The following LIN28B variants were observed in gnomAD, a reference collection of about 807,000 sequenced individuals.
The protein encoded by LIN28B is lin-28 RNA binding posttranscriptional regulator B, also known as protein lin-28 homolog B.
In LIN28B, 5 loss-of-function variants were observed where a neutral mutation model predicts 21.9. The ratio of observed to expected loss-of-function variants is 0.23; its 90% confidence interval spans 0.12 to 0.48. The LOEUF (loss-of-function observed/expected upper bound fraction) is 0.48, where lower values mean the gene tolerates loss of function less well. LIN28B is among the 20% of genes least tolerant of loss of function. The pLI, the probability that LIN28B is intolerant of heterozygous loss-of-function variation, is 0.98. For synonymous variants in LIN28B, 109 were observed against 111.3 expected (o/e 0.98, Z 0.13); for missense variants, 245 against 310.5 (o/e 0.79, Z 1.58).
intron 2 of LIN28B, among the ~76,000 whole-genome samples, chr6:105,010,875 C>T (rs923067117): frequency 1.3e-5 from 2 of 152,184 alleles, no homozygotes; most frequent in Admixed American, 1.3e-4. Flanking sequence ...TCCATATATC[C>T]ACCCACAGAC....
intron 3 of LIN28B, among the ~76,000 whole-genome samples, chr6:105,044,035 T>C (rs1344364168): frequency 6.6e-6 from 1 of 152,240 alleles, no homozygotes; most frequent in Non-Finnish European, 1.5e-5. Context: ...CCATTTTGTT[T>C]CTGCCTTTGT....
At chr6:104,972,936 C>T (rs1770007892) in intron 2 of LIN28B, among the ~76,000 whole-genome samples, 1 of 151,856 alleles carries the variant, frequency 6.6e-6, no homozygotes, top group South Asian at 2.1e-4. Context: ...CATGGCAAAA[C>T]GCTGTCTCTA....
At chr6:104,940,757 T>C (rs1031653492) in intron 2 of LIN28B, 1 of 150,306 alleles carries the variant, frequency 6.7e-6, no homozygotes, top group Non-Finnish European at 1.5e-5. Flanking sequence ...GGCGGAGTGG[T>C]GGCGACAGCG....
At chr6:104,992,110 G>A (rs1158616582) in intron 2 of LIN28B, among the ~76,000 whole-genome samples, 1 of 151,752 alleles carries the variant, frequency 6.6e-6, no homozygotes, top group African/African-American at 2.4e-5. Context: ...TTGTTGCCCA[G>A]GTTGGAGTTC....
chr6:105,037,495 C>A, intron 3 of LIN28B, among the ~76,000 whole-genome samples: 1 of 149,056 alleles, frequency 6.7e-6, no homozygotes, highest in African/African-American at 2.5e-5. Flanking sequence ...CCCTCCTCCC[C>A]CTCCTCCCCG....
intron 2 of LIN28B, among the ~76,000 whole-genome samples, chr6:104,943,819 A>G (rs143728873): frequency 6.3e-4 from 96 of 152,290 alleles, no homozygotes; most frequent in African/African-American, 2.3e-3. Context: ...GCTTGCCAAG[A>G]AGAACAATGG....
chr6:105,020,784 G>A (rs372910218), intron 2 of LIN28B, among the ~76,000 whole-genome samples: 27 of 116,764 alleles, frequency 2.3e-4, no homozygotes, highest in African/African-American at 9.0e-4. Flanking sequence ...ACGAAGTCTC[G>A]CTCTGTTGCC....
rs111783119 is a variant in LIN28B, at chr6:105,038,594, A to AC, written c.383+12114dup. On this transcript the variant is annotated intron_variant, in intron 3 of 3. Transcript: ENST00000345080. ...ACAAGTTTCTCTTTTGGTTGACTCT[A>AC]CCTCAGAACCATCCAGAGAAGGAGA... 7.4e-4 allele frequency among the ~76,000 whole-genome samples: 113 copies of AC among 152,276 alleles called. No individual in the cohort carries two copies. In the Middle Eastern group the frequency reaches 0.014, roughly 18 times the overall value.
chr6:105,014,454 G>A (rs1770986396), intron 2 of LIN28B, among the ~76,000 whole-genome samples: 1 of 152,094 alleles, frequency 6.6e-6, no homozygotes, highest in African/African-American at 2.4e-5. Context: ...TGCGTAGCTG[G>A]GATTACAGGC....
intron 2 of LIN28B, among the ~76,000 whole-genome samples, chr6:104,992,147 C>T (rs1233516990): frequency 2.0e-5 from 3 of 151,954 alleles, no homozygotes; most frequent in Non-Finnish European, 4.4e-5. Flanking sequence ...CCGTAACCTC[C>T]GCCTTTGGGT....
chr6:104,938,385 A>T (rs1163977276), intron 2 of LIN28B, among the ~76,000 whole-genome samples: 1 of 152,156 alleles, frequency 6.6e-6, no homozygotes, highest in Admixed American at 6.5e-5. Context: ...CACGCCTGTA[A>T]TCCCAGCACT....
chr6:105,069,553 C>T (rs1173992706), intron 3 of LIN28B, among the ~76,000 whole-genome samples: 4 of 150,794 alleles, frequency 2.7e-5, no homozygotes, highest in Admixed American at 6.6e-5. Flanking sequence ...AGTGACAGCC[C>T]GTCTCTACAA....
intron 3 of LIN28B, among the ~76,000 whole-genome samples, chr6:105,029,496 GGA>G (rs1771372742): frequency 6.6e-6 from 1 of 152,092 alleles, no homozygotes; most frequent in Non-Finnish European, 1.5e-5. Context: ...TATGAAGGTA[GGA>G]TAAGGCGAGA....
chr6:104,968,353 AATG>A (rs1321837417), intron 2 of LIN28B, among the ~76,000 whole-genome samples: 1 of 152,196 alleles, frequency 6.6e-6, no homozygotes, highest in Non-Finnish European at 1.5e-5. Flanking sequence ...AGCTAAATGC[AATG>A]ATTTCTCAGT....
chr6:104,983,285 C>T (rs1041490940), intron 2 of LIN28B, among the ~76,000 whole-genome samples: 3 of 152,016 alleles, frequency 2.0e-5, no homozygotes, highest in African/African-American at 7.3e-5. Context: ...GAAGATAGCT[C>T]AAAATTGGTA....
intron 3 of LIN28B, among the ~76,000 whole-genome samples, chr6:105,077,566 G>T (rs1772456111): frequency 6.6e-6 from 1 of 152,146 alleles, no homozygotes; most frequent in African/African-American, 2.4e-5. Context: ...TGTCCCCAGT[G>T]TGCATTCACA....
At chr6:104,965,378 G>A (rs187484551) in intron 2 of LIN28B, among the ~76,000 whole-genome samples, 1 of 152,202 alleles carries the variant, frequency 6.6e-6, no homozygotes, top group East Asian at 1.9e-4. Flanking sequence ...AAATTAGCTA[G>A]GCCTGATGGC....
At chr6:104,950,275 G>T (rs958483688) in intron 2 of LIN28B, among the ~76,000 whole-genome samples, 1 of 151,976 alleles carries the variant, frequency 6.6e-6, no homozygotes, top group Non-Finnish European at 1.5e-5. Flanking sequence ...AGATATAAAA[G>T]GCAAGTATAT....
At position 104,971,674 on chromosome 6, in the gene LIN28B, T is replaced by A. The variant is rs185408010; in HGVS notation, c.198+13388T>A. Among the ~76,000 whole-genome samples, 14 of 152,322 alleles carry A rather than the reference T, an allele frequency of 9.2e-5. No homozygotes were observed. The East Asian group carries it at 2.7e-3, about 29-fold the overall frequency. On this transcript the variant is annotated intron_variant, in intron 2 of 3. Coordinates refer to ENST00000345080, the MANE Select transcript of LIN28B (RefSeq NM_001004317.4). ...GTATTGGCCCATGCTTTCATTGACA[T>A]TAAAATTTACAGCAATTGATTTATT...
Sources: allele counts gnomAD v4.1 joint callset (sites outside exome capture counted in the v4.1 genomes callset), GRCh38; gene constraint gnomAD v4.1.1; transcripts MANE v1.5; gene names NCBI Gene and HGNC (gene_info 2026-07-23, HGNC 2026-07-21).